Variants in DMD observed in about 807,000 individuals in gnomAD.
DMD encodes mutant dystrophin.
A neutral mutation model predicts 330.1 loss-of-function variants in DMD; 63 were observed. The observed-to-expected ratio is 0.19, with a 90% CI of 0.16 to 0.24. The LOEUF is 0.24. Ranked by LOEUF, DMD falls within the 10% of genes least tolerant of loss-of-function variation. The probability of loss-of-function intolerance (pLI) is 1.00; values close to 1 mark genes in which losing one functional copy is unlikely to be tolerated. For synonymous variants in DMD, 1,223 were observed against 959.8 expected (o/e 1.27, Z -5.07); for missense variants, 3,344 against 2,684.1 (o/e 1.25, Z -5.43).
At chrX:33,217,432 T>TA (rs2052077932) in intron 1 of DMD, among the ~76,000 whole-genome samples, 1 of 111,749 alleles carries the variant, frequency 8.9e-6, no homozygotes, top group Non-Finnish European at 1.9e-5. Flanking sequence ...ATATCTCCGT[T>TA]TATTTAAGTC....
intron 53 of DMD, among the ~76,000 whole-genome samples, chrX:31,671,205 C>A (rs1184524078): frequency 8.9e-6 from 1 of 112,455 alleles, no homozygotes; most frequent in Admixed American, 9.3e-5. Context: ...AGCCACCACA[C>A]CTGGCCAATA....
intron 64 of DMD, among the ~76,000 whole-genome samples, chrX:31,222,420 GA>G (rs1439821618): frequency 1.4e-5 from 1 of 72,886 alleles, no homozygotes; most frequent in Admixed American, 1.5e-4. Flanking sequence ...AAAAAAAACA[GA>G]AAAAAAGAAA....
chrX:32,762,527 T>C (rs1007898057), intron 7 of DMD, among the ~76,000 whole-genome samples: 4 of 111,378 alleles, frequency 3.6e-5, no homozygotes, highest in Non-Finnish European at 7.5e-5. Flanking sequence ...GAAGTGTGAA[T>C]AGGATACAGG....
At chrX:32,297,961 G>C (rs747328672) in intron 42 of DMD, among the ~76,000 whole-genome samples, 31 of 111,064 alleles carry the variant, frequency 2.8e-4, no homozygotes, top group Middle Eastern at 4.7e-3. Context: ...GGAACATGGA[G>C]GAAGTGATTA....
intron 50 of DMD, among the ~76,000 whole-genome samples, chrX:31,809,835 G>GAT (rs778705694): frequency 3.2e-4 from 35 of 108,898 alleles, no homozygotes; most frequent in African/African-American, 4.0e-4. Flanking sequence ...AGATTGTGAA[G>GAT]ATATATATAT....
chrX:32,155,945 AGT>A (rs775026800), intron 44 of DMD, among the ~76,000 whole-genome samples: 4 of 101,146 alleles, frequency 4.0e-5, no homozygotes, highest in Admixed American at 1.1e-4. Flanking sequence ...GGTTAATAAG[AGT>A]GTGTGTGTGT....
At chrX:32,737,978 A>G (rs1359267412) in intron 7 of DMD, among the ~76,000 whole-genome samples, 1 of 111,893 alleles carries the variant, frequency 8.9e-6, no homozygotes, top group African/African-American at 3.2e-5. Flanking sequence ...TTACTAGGAG[A>G]TTCAAAAACG....
chrX:32,977,264 C>T (rs2092579223), intron 2 of DMD, among the ~76,000 whole-genome samples: 1 of 111,207 alleles, frequency 9.0e-6, no homozygotes, highest in Non-Finnish European at 1.9e-5. Context: ...CATGCCACTG[C>T]ACTCCAGCCT....
At chrX:31,949,463 C>A (rs1412976431) in intron 45 of DMD, among the ~76,000 whole-genome samples, 1 of 111,317 alleles carries the variant, frequency 9.0e-6, no homozygotes, top group African/African-American at 3.3e-5. Flanking sequence ...TGCTAGTACA[C>A]AGGAATGTAA....
chrX:32,181,749 C>A (rs1423495424), intron 44 of DMD, among the ~76,000 whole-genome samples: 1 of 111,018 alleles, frequency 9.0e-6, no homozygotes, highest in Non-Finnish European at 1.9e-5. Flanking sequence ...AGTAATATGA[C>A]AAGGAAATTC....
chrX:32,142,974 T>A (rs2096760680), intron 44 of DMD, among the ~76,000 whole-genome samples: 1 of 111,543 alleles, frequency 9.0e-6, no homozygotes, highest in Non-Finnish European at 1.9e-5. Flanking sequence ...CTTATCATCA[T>A]CCTTCAGGTA....
intron 11 of DMD, among the ~76,000 whole-genome samples, chrX:32,628,435 T>A (rs2058515799): frequency 9.3e-6 from 1 of 107,104 alleles, no homozygotes; most frequent in Non-Finnish European, 1.9e-5. Context: ...GCTTAAGACT[T>A]GTCATTTTTG....
chrX:31,518,564 A>T (rs1296732140), intron 55 of DMD, among the ~76,000 whole-genome samples: 1 of 110,481 alleles, frequency 9.1e-6, no homozygotes, highest in East Asian at 2.8e-4. Flanking sequence ...TATGTGCAGG[A>T]ATCAGTCTGT....
At chrX:31,741,602 A>G (rs759008759) in intron 51 of DMD, among the ~76,000 whole-genome samples, 78 of 110,856 alleles carry the variant, frequency 7.0e-4, no homozygotes, top group Admixed American at 1.7e-3. Context: ...AGGGCTCAAA[A>G]TGTTCATCAA....
At chrX:32,033,589 GACA>G (rs2095904435) in intron 44 of DMD, among the ~76,000 whole-genome samples, 1 of 28,340 alleles carries the variant, frequency 3.5e-5, no homozygotes, top group African/African-American at 1.8e-4. Flanking sequence ...AAAAAAACAA[GACA>G]GACAGACAGA....
intron 43 of DMD, among the ~76,000 whole-genome samples, chrX:32,273,297 A>C (rs762354772): frequency 5.4e-5 from 6 of 110,312 alleles, no homozygotes; most frequent in Non-Finnish European, 1.1e-4. Flanking sequence ...AAAACAAAAC[A>C]AAACAAAACA....
chrX:31,938,939 G>A (rs1456514292), intron 45 of DMD, among the ~76,000 whole-genome samples: 4 of 111,457 alleles, frequency 3.6e-5, no homozygotes, highest in Non-Finnish European at 7.5e-5. Context: ...GTGTGTCTGT[G>A]TGTGTGTGTT....
At chrX:32,891,178 G>A (rs1479380296) in intron 2 of DMD, among the ~76,000 whole-genome samples, 1 of 111,725 alleles carries the variant, frequency 9.0e-6, no homozygotes, top group African/African-American at 3.3e-5. Context: ...CAAAAATAGG[G>A]CAAAAATTCA....
At chrX:31,571,254 G>GGGGTGTGTGT (rs1391973551) in intron 55 of DMD, among the ~76,000 whole-genome samples, 1 of 90,445 alleles carries the variant, frequency 1.1e-5, no homozygotes, top group Admixed American at 1.3e-4. Flanking sequence ...GATTTAAAGG[G>GGGGTGTGTGT]GTGTGTGTGT....
Sources: allele counts gnomAD v4.1 joint callset (sites outside exome capture counted in the v4.1 genomes callset), GRCh38; gene constraint gnomAD v4.1.1; transcripts MANE v1.5; gene names NCBI Gene and HGNC (gene_info 2026-07-23, HGNC 2026-07-21).